Variants in NTRK2 observed in about 807,000 individuals in gnomAD.
NTRK2 encodes neurotrophic receptor tyrosine kinase 2.
In NTRK2, 13 loss-of-function variants were observed where a neutral mutation model predicts 94.5. That is an observed-to-expected ratio of 0.14 (90% confidence interval 0.09 to 0.22). The LOEUF is 0.22. Among genes scored for constraint, NTRK2 ranks in the 10% least tolerant of loss-of-function variants. NTRK2 has a pLI of 1.00. For missense variants in NTRK2, 639 were observed against 1,071.2 expected (o/e 0.60, Z 5.63); for synonymous variants, 372 against 407.4 (o/e 0.91, Z 1.05).
At chr9:84,783,079 G>A (rs892697370) in intron 12 of NTRK2, among the ~76,000 whole-genome samples, 2 of 152,092 alleles carry the variant, frequency 1.3e-5, no homozygotes, top group East Asian at 1.9e-4. Context: ...TACTGTGAAT[G>A]TCCTCTCGCT....
At chr9:84,920,148 A>G (rs2077516835) in intron 14 of NTRK2, among the ~76,000 whole-genome samples, 1 of 152,162 alleles carries the variant, frequency 6.6e-6, no homozygotes, top group Non-Finnish European at 1.5e-5. Flanking sequence ...ATTGGCTAGC[A>G]AGGATCTCAC....
At chr9:84,837,113 A>C (rs1172585277) in intron 12 of NTRK2, among the ~76,000 whole-genome samples, 2 of 151,926 alleles carry the variant, frequency 1.3e-5, no homozygotes. Flanking sequence ...AATAAGAAGA[A>C]ATGTTACTTG....
intron 6 of NTRK2, among the ~76,000 whole-genome samples, chr9:84,722,363 T>C (rs1478570556): frequency 1.3e-5 from 2 of 151,984 alleles, no homozygotes; most frequent in East Asian, 1.9e-4. Flanking sequence ...ATTTCACTAA[T>C]AAAGAAAGAT....
chr9:84,792,783 A>G (rs1248172243), intron 12 of NTRK2, among the ~76,000 whole-genome samples: 1 of 152,098 alleles, frequency 6.6e-6, no homozygotes, highest in Non-Finnish European at 1.5e-5. Context: ...CAAGATTAAG[A>G]AAGTTGCCCA....
chr9:84,811,850 G>A (rs1208201467), intron 12 of NTRK2: 1 of 1,064,866 alleles, frequency 9.4e-7, no homozygotes, highest in Non-Finnish European at 1.1e-6. Flanking sequence ...ACCTTTGTAT[G>A]CTCTGTTCAG....
Position 84,761,824 on chromosome 9 carries a change from T to C in NTRK2, c.1396+9739T>C, listed in dbSNP as rs375022757. 3.9e-5 allele frequency among the ~76,000 whole-genome samples: 6 copies of C among 152,192 alleles called. 1 individual carries two copies. Among genetic ancestry groups the C allele is most frequent in the South Asian group, 2.1e-4 (1 of 4,826 alleles). On this transcript the variant is annotated intron_variant, in intron 12 of 18. Transcript: ENST00000277120. ...AGTTGGCATTCCCAGTGAATCTGTTTACTGTTAATTTGCAGGTAGCATGCA... is the reference window on the plus strand; with the variant it reads ...AGTTGGCATTCCCAGTGAATCTGTTCACTGTTAATTTGCAGGTAGCATGCA...
chr9:84,802,961 G>A (rs1020723795), intron 12 of NTRK2, among the ~76,000 whole-genome samples: 4 of 152,106 alleles, frequency 2.6e-5, no homozygotes, highest in Non-Finnish European at 5.9e-5. Flanking sequence ...GATAAGACAC[G>A]ATCACTGGGG....
intron 14 of NTRK2, among the ~76,000 whole-genome samples, chr9:84,926,083 C>CCCTT (rs71499838): frequency 3.4e-5 from 5 of 149,038 alleles, no homozygotes; most frequent in African/African-American, 1.0e-4. Context: ...CTCTTTCTTT[C>CCCTT]CCTTCCTTCC....
At chr9:84,995,890 G>A (rs976708459) in intron 17 of NTRK2, among the ~76,000 whole-genome samples, 1 of 152,104 alleles carries the variant, frequency 6.6e-6, no homozygotes. Context: ...ATTAATAGAG[G>A]ACAAGAAACA....
At chr9:84,813,760 C>A (rs1360517670) in intron 12 of NTRK2, 3 of 1,065,944 alleles carry the variant, frequency 2.8e-6, no homozygotes, top group African/African-American at 3.3e-5. Flanking sequence ...ACACTAATTT[C>A]TTTTCAACAG....
chr9:84,977,910 T>G (rs895573903), intron 17 of NTRK2, among the ~76,000 whole-genome samples: 2 of 152,210 alleles, frequency 1.3e-5, no homozygotes, highest in African/African-American at 2.4e-5. Flanking sequence ...GTGATTTATA[T>G]TCAGTGGTTT....
intron 14 of NTRK2, among the ~76,000 whole-genome samples, chr9:84,918,977 C>T (rs916585793): frequency 6.6e-6 from 1 of 152,166 alleles, no homozygotes; most frequent in Non-Finnish European, 1.5e-5. Context: ...TAGCTCCCAT[C>T]TGCTTATACA....
intron 14 of NTRK2, among the ~76,000 whole-genome samples, chr9:84,923,615 A>C (rs949065387): frequency 6.6e-6 from 1 of 152,198 alleles, no homozygotes. Context: ...TAAAGAAGTC[A>C]ATTAGAAAAC....
chr9:84,696,564 CT>C (rs2060388453), intron 2 of NTRK2, among the ~76,000 whole-genome samples: 1 of 152,060 alleles, frequency 6.6e-6, no homozygotes, highest in South Asian at 2.1e-4. Context: ...CAGCTCTGTG[CT>C]AGGAAACGGA....
intron 15 of NTRK2, among the ~76,000 whole-genome samples, chr9:84,938,933 T>A (rs545563005): frequency 1.1e-4 from 17 of 150,624 alleles, no homozygotes; most frequent in Admixed American, 1.0e-3. Flanking sequence ...GCACCTGTGG[T>A]CCCAGCTACT....
At chr9:84,811,457 T>A (rs200311618) in intron 12 of NTRK2, 1 of 1,065,828 alleles carries the variant, frequency 9.4e-7, no homozygotes, top group Non-Finnish European at 1.1e-6. Context: ...CTTGCCCTTT[T>A]TTATTTGCCC....
At chr9:84,789,380 T>C (rs2068485295) in intron 12 of NTRK2, among the ~76,000 whole-genome samples, 1 of 152,184 alleles carries the variant, frequency 6.6e-6, no homozygotes, top group Non-Finnish European at 1.5e-5. Context: ...CCAGAGCCAA[T>C]TGTCCAGAGC....
chr9:84,918,669 G>A (rs2077469681), intron 14 of NTRK2, among the ~76,000 whole-genome samples: 1 of 152,184 alleles, frequency 6.6e-6, no homozygotes, highest in African/African-American at 2.4e-5. Context: ...GCATGGTTAA[G>A]GGAAAATATG....
At chr9:84,936,864 T>A (rs1279453006) in intron 15 of NTRK2, among the ~76,000 whole-genome samples, 1 of 152,152 alleles carries the variant, frequency 6.6e-6, no homozygotes, top group African/African-American at 2.4e-5. Context: ...ATGTGAATTT[T>A]TTTTTTTTAA....
Sources: gnomAD v4.1 joint callset for allele counts (sites outside exome capture counted in the v4.1 genomes callset) on GRCh38, gnomAD v4.1.1 for gene constraint, MANE v1.5 for transcripts, NCBI Gene and HGNC (gene_info 2026-07-23, HGNC 2026-07-21) for gene names.